The following DAPP1 variants were observed in gnomAD, a reference collection of about 807,000 sequenced individuals.
DAPP1 encodes dual adapter for phosphotyrosine and 3-phosphotyrosine and 3-phosphoinositide.
DAPP1 carries 20 observed loss-of-function variants against 41.5 expected under a neutral mutation model. The observed-to-expected ratio is 0.48, with a 90% CI of 0.34 to 0.70. The LOEUF (loss-of-function observed/expected upper bound fraction) is 0.70, where lower values mean the gene tolerates loss of function less well. Ranked by LOEUF, DAPP1 falls within the 30% of genes least tolerant of loss-of-function variation. The pLI, the probability that DAPP1 is intolerant of heterozygous loss-of-function variation, is 0.01. For synonymous variants in DAPP1, 113 were observed against 116.2 expected, an observed-to-expected ratio of 0.97 and a Z score of 0.18; for missense variants, 233 against 333.4, an observed-to-expected ratio of 0.70 and a Z score of 2.35.
intron 1 of DAPP1, 114 bp from the exon 2 acceptor site, chr4:99,835,509 C>G (rs1044602838): frequency 6.8e-7 from 1 of 1,469,512 alleles, no homozygotes; most frequent in African/African-American, 1.4e-5. Flanking sequence ...AGCTGGGTCT[C>G]TGGGCTACTT....
chr4:99,871,788 G>T (rs1448866000), downstream of DAPP1, among the ~76,000 whole-genome samples: 1 of 152,180 alleles, frequency 6.6e-6, no homozygotes, highest in African/African-American at 2.4e-5. Context: ...GAGGGGAAAG[G>T]TGATTCGGAG....
intron 7 of DAPP1, among the ~76,000 whole-genome samples, chr4:99,864,719 T>C (rs145498978): frequency 1.3e-5 from 2 of 152,310 alleles, no homozygotes; most frequent in African/African-American, 4.8e-5. Flanking sequence ...ACTGTTCTCC[T>C]GGCCTTTTCT....
intron 7 of DAPP1, 33 bp downstream of exon 7, chr4:99,863,888 T>G (rs1445623983): frequency 7.2e-7 from 1 of 1,381,180 alleles, no homozygotes; most frequent in Admixed American, 2.1e-5. Context: ...CGTTTTTTAA[T>G]GTCTTCTTGC....
At chr4:99,850,167 T>C (rs925715006) in intron 3 of DAPP1, among the ~76,000 whole-genome samples, 3 of 152,226 alleles carry the variant, frequency 2.0e-5, no homozygotes, top group Middle Eastern at 3.2e-3. Flanking sequence ...CCCAACACTT[T>C]GGGAGGCCGA....
chr4:99,842,019 G>A (rs1224823899), intron 3 of DAPP1, among the ~76,000 whole-genome samples: 1 of 152,200 alleles, frequency 6.6e-6, no homozygotes, highest in Non-Finnish European at 1.5e-5. Flanking sequence ...TCTGCCTACT[G>A]GCAGATTTCA....
chr4:99,865,970 A>ATAAAT (rs1321715579), intron 7 of DAPP1, 64 bp from the exon 8 acceptor site: 1 of 77,578 alleles, frequency 1.3e-5, no homozygotes, highest in Non-Finnish European at 2.5e-5. Flanking sequence ...TATATATTAT[A>ATAAAT]TATATATATA....
At chr4:99,836,286 A>G (rs1578356770) in intron 2 of DAPP1, among the ~76,000 whole-genome samples, 1 of 152,284 alleles carries the variant, frequency 6.6e-6, no homozygotes, top group East Asian at 1.9e-4. Flanking sequence ...ATACAGCCAA[A>G]TGCAGTCATT....
chr4:99,821,729 C>T (rs76649714), intron 1 of DAPP1, among the ~76,000 whole-genome samples: 1,746 of 152,284 alleles, frequency 0.011, 40 homozygotes, highest in African/African-American at 0.039. Context: ...TCTCATCTTA[C>T]TATACTAGTA....
chr4:99,858,642 G>A (rs1216864146), intron 4 of DAPP1, among the ~76,000 whole-genome samples: 2 of 152,064 alleles, frequency 1.3e-5, no homozygotes, highest in Admixed American at 6.6e-5. Flanking sequence ...ATGTGTCTTG[G>A]CTGTTTTAAT....
At chr4:99,830,609 A>G (rs1298213695) in intron 1 of DAPP1, among the ~76,000 whole-genome samples, 2 of 152,142 alleles carry the variant, frequency 1.3e-5, no homozygotes, top group African/African-American at 2.4e-5. Context: ...TTGAATTCTC[A>G]CATGACTACA....
Position 99,835,751 on chromosome 4 carries a change from GTGC to G in DAPP1, c.224+8_224+10del. On this transcript the variant is annotated splice_region_variant and intron_variant, in intron 2 of 8. Coordinates refer to ENST00000512369, the MANE Select transcript of DAPP1 (RefSeq NM_014395.3). ...CTGTACTCTCTCTCTGTGAGGTAAG[GTGC>G]TTCAGGGCTCTACGACTTCAGCATG... The G allele has an allele frequency of 1.2e-6, 2 of 1,613,612 alleles. No homozygotes were observed. Among genetic ancestry groups the G allele is most frequent in the Non-Finnish European group, 1.7e-6 (2 of 1,179,694 alleles).
intron 3 of DAPP1, among the ~76,000 whole-genome samples, chr4:99,849,257 G>A (rs62305041): frequency 0.045 from 6,878 of 152,264 alleles, 228 homozygotes; most frequent in Middle Eastern, 0.12. Flanking sequence ...CTCCAACAGA[G>A]ATTTGAAAAG....
At chr4:99,818,097 GTT>G (rs1722650871) in intron 1 of DAPP1, among the ~76,000 whole-genome samples, 1 of 152,180 alleles carries the variant, frequency 6.6e-6, no homozygotes, top group African/African-American at 2.4e-5. Context: ...TACTGTAAAA[GTT>G]TATTAATAAT....
chr4:99,862,185 C>T lies in DAPP1; in HGVS notation c.537+560C>T, dbSNP rs532570878. Among the ~76,000 whole-genome samples, 20 of 152,276 alleles carry T rather than the reference C, an allele frequency of 1.3e-4. No homozygotes were observed. The East Asian group carries it at 1.5e-3, about 12-fold the overall frequency. On this transcript the variant is annotated intron_variant, in intron 5 of 8. Coordinates refer to ENST00000512369, the MANE Select transcript of DAPP1 (RefSeq NM_014395.3). Reference sequence around the variant, plus strand: ...CTGCTCCTTCTCGTTTTAAGAGTCACGGTATTTAACCTCTCACAGACACTG... The same window carrying T: ...CTGCTCCTTCTCGTTTTAAGAGTCATGGTATTTAACCTCTCACAGACACTG...
chr4:99,847,366 C>T (rs1723701062), intron 3 of DAPP1, among the ~76,000 whole-genome samples: 1 of 152,142 alleles, frequency 6.6e-6, no homozygotes, highest in South Asian at 2.1e-4. Context: ...AAGGGTCCTT[C>T]AATGCAATTT....
At chr4:99,830,060 T>C (rs940500323) in intron 1 of DAPP1, among the ~76,000 whole-genome samples, 2 of 152,224 alleles carry the variant, frequency 1.3e-5, no homozygotes, top group African/African-American at 4.8e-5. Flanking sequence ...TTATCCCTAA[T>C]AACTGGAATA....
In DAPP1 at chr4:99,835,722, C is replaced by T. The variant is rs199971263; in HGVS notation, c.201C>T (p.Thr67=). 4.8e-3 allele frequency: 7,784 copies of T among 1,613,802 alleles called. 29 individuals carry two copies. The highest frequency in any genetic ancestry group is 5.6e-3 in the Non-Finnish European group (6,658 of 1,179,800). ...SYLLRDSNET[T]GLYSLSVRAK... ...TTCTGAGGGACAGCAATGAGACCAC[C>T]GGGCTGTACTCTCTCTCTGTGAGGT... The change falls in exon 2 of 9, where the codon ACC becomes ACT. Residue 67 remains threonine, a synonymous_variant. Coordinates refer to ENST00000512369, the MANE Select transcript of DAPP1 (RefSeq NM_014395.3).
chr4:99,817,067 C>A, intron 1 of DAPP1, 53 bp downstream of exon 1: 1 of 1,328,908 alleles, frequency 7.5e-7, no homozygotes, highest in South Asian at 1.3e-5. Context: ...ATTGACTCCG[C>A]ACTCCCACCT....
chr4:99,824,379 G>A (rs904004881), intron 1 of DAPP1, among the ~76,000 whole-genome samples: 2 of 152,178 alleles, frequency 1.3e-5, no homozygotes, highest in Non-Finnish European at 2.9e-5. Context: ...AACCAACGCT[G>A]ATGATGTACT....
Sources: gnomAD v4.1 joint callset for allele counts (sites outside exome capture counted in the v4.1 genomes callset) on GRCh38, gnomAD v4.1.1 for gene constraint, MANE v1.5 for transcripts, NCBI Gene and HGNC (gene_info 2026-07-23, HGNC 2026-07-21) for gene names.